The following TRIM36 variants were observed in gnomAD, a reference collection of about 807,000 sequenced individuals.
TRIM36 encodes E3 ubiquitin-protein ligase TRIM36.
A neutral mutation model predicts 72.4 loss-of-function variants in TRIM36; 42 were observed. The ratio of observed to expected loss-of-function variants is 0.58; its 90% CI spans 0.45 to 0.75. The LOEUF (loss-of-function observed/expected upper bound fraction) is 0.75. Among genes scored for constraint, TRIM36 ranks in the 30% least tolerant of loss-of-function variants. The pLI, the probability that TRIM36 is intolerant of heterozygous loss-of-function variation, is 0.00. For synonymous variants in TRIM36, 315 were observed against 282.8 expected, an observed-to-expected ratio of 1.11 and a Z score of -1.14; for missense variants, 913 against 857.1, an observed-to-expected ratio of 1.07 and a Z score of -0.81.
At chr5:115,167,897 T>C in intron 1 of TRIM36, among the ~76,000 whole-genome samples, 1 of 152,222 alleles carries the variant, frequency 6.6e-6, no homozygotes, top group East Asian at 1.9e-4. Flanking sequence ...GAGATTTAAT[T>C]GACTCACAGT....
chr5:115,160,573 A>AACGCCTGT (rs1428356360), intron 2 of TRIM36, among the ~76,000 whole-genome samples: 2 of 152,194 alleles, frequency 1.3e-5, no homozygotes, highest in African/African-American at 2.4e-5. Context: ...TATAGTGAAT[A>AACGCCTGT]ACGCCTGTAA....
intron 2 of TRIM36, among the ~76,000 whole-genome samples, chr5:115,157,455 T>C (rs1330613736): frequency 6.6e-6 from 1 of 151,984 alleles, no homozygotes; most frequent in East Asian, 1.9e-4. Context: ...TCCCAGCTAC[T>C]TAGGGGGCTG....
chr5:115,171,504 A>G (rs979114166), upstream of TRIM36, among the ~76,000 whole-genome samples: 2 of 152,244 alleles, frequency 1.3e-5, no homozygotes, highest in East Asian at 1.9e-4. Flanking sequence ...TAAAGGCTCA[A>G]CCATTAGAAA....
At position 115,149,317 on chromosome 5, in the gene TRIM36, G is replaced by T. The variant is rs147077539; in HGVS notation, c.263-1923C>A. ...AACAAGCCAAACAATTCTGGAGATG[G>T]TATGGTGCAGTGGTCAAGTTTAAAC... On this transcript the variant is annotated intron_variant, in intron 2 of 9. Transcript: ENST00000513154. 19 of 152,072 alleles carry T rather than the reference G, an allele frequency of 1.2e-4. No individual in the cohort carries two copies. In the East Asian group the frequency reaches 3.7e-3, roughly 29 times the overall value. 9.4% of individuals were successfully genotyped at this position (152,072 alleles called of 1,614,324 possible).
chr5:115,178,985 A>G (rs894629694), intron 1 of TRIM36, among the ~76,000 whole-genome samples: 1 of 152,184 alleles, frequency 6.6e-6, no homozygotes, highest in Non-Finnish European at 1.5e-5. Context: ...AGGTGCTCAC[A>G]TCAGGGCTAC....
chr5:115,156,333 C>T (rs1754180121), intron 2 of TRIM36, among the ~76,000 whole-genome samples: 1 of 151,532 alleles, frequency 6.6e-6, no homozygotes, highest in African/African-American at 2.4e-5. Flanking sequence ...CATATGGAAC[C>T]AAAAAAGAGC....
chr5:115,166,560 G>A (rs1471202397), intron 1 of TRIM36, among the ~76,000 whole-genome samples: 1 of 152,172 alleles, frequency 6.6e-6, no homozygotes, highest in Non-Finnish European at 1.5e-5. Context: ...TCACCCTCCA[G>A]TTGTCCATGT....
chr5:115,155,399 G>C (rs1754122495), intron 2 of TRIM36, among the ~76,000 whole-genome samples: 1 of 152,126 alleles, frequency 6.6e-6, no homozygotes, highest in Admixed American at 6.6e-5. Context: ...GATGAACACA[G>C]AAGCTAAAAT....
intron 5 of TRIM36, among the ~76,000 whole-genome samples, chr5:115,138,043 T>C (rs79045899): frequency 0.013 from 1,999 of 152,334 alleles, 44 homozygotes; most frequent in African/African-American, 0.046. Flanking sequence ...GAACTTTGAA[T>C]TCATTTCAAA....
intron 1 of TRIM36, among the ~76,000 whole-genome samples, chr5:115,165,627 C>A (rs1754723378): frequency 6.6e-6 from 1 of 152,200 alleles, no homozygotes; most frequent in Non-Finnish European, 1.5e-5. Flanking sequence ...ATGCTGGCTG[C>A]AGTTGGGAAG....
chr5:115,151,332 A>T (rs1753881269), intron 2 of TRIM36, among the ~76,000 whole-genome samples: 1 of 152,146 alleles, frequency 6.6e-6, no homozygotes, highest in African/African-American at 2.4e-5. Context: ...AACTCCATTG[A>T]CCTGGAAACC....
At chr5:115,170,520 C>A (rs1016331686), upstream of TRIM36, among the ~76,000 whole-genome samples, 1 of 152,116 alleles carries the variant, frequency 6.6e-6, no homozygotes. Flanking sequence ...CCTAGCCAGG[C>A]GCGGCCTGGG....
rs1018874568 is a variant in TRIM36 at position 115,144,491 on chromosome 5, T to C, written c.735+107A>G. The C allele has an allele frequency of 4.5e-6, 6 of 1,337,038 alleles. No homozygotes were observed. In the African/African-American group the frequency reaches 7.5e-5, roughly 17 times the overall value. 82.8% of individuals were successfully genotyped at this position (1,337,038 alleles called of 1,614,324 possible). On this transcript the variant is annotated intron_variant, in intron 4 of 9. Transcript: ENST00000513154. ...CGCTAAGTAACACTTTAACTCATTT[T>C]AGTACAAAAGAGACCATATAACACA...
chr5:115,157,901 G>A (rs966547754), intron 2 of TRIM36, among the ~76,000 whole-genome samples: 8 of 152,124 alleles, frequency 5.3e-5, no homozygotes, highest in Non-Finnish European at 8.8e-5. Context: ...CTCATAAGTG[G>A]GAGCTAAGCT....
chr5:115,151,747 G>A (rs1005193777), intron 2 of TRIM36, among the ~76,000 whole-genome samples: 1 of 152,176 alleles, frequency 6.6e-6, no homozygotes, highest in African/African-American at 2.4e-5. Flanking sequence ...CCAGAGCCTG[G>A]TATACTTGCT....
At chr5:115,147,856 C>T (rs542185647) in intron 2 of TRIM36, among the ~76,000 whole-genome samples, 1 of 152,244 alleles carries the variant, frequency 6.6e-6, no homozygotes, top group East Asian at 1.9e-4. Context: ...CATGAAGAGG[C>T]CCAGGCAGAT....
At chr5:115,135,454 T>C (rs1023704380) in intron 7 of TRIM36, among the ~76,000 whole-genome samples, 1 of 150,990 alleles carries the variant, frequency 6.6e-6, no homozygotes, top group Non-Finnish European at 1.5e-5. Flanking sequence ...ACTCTTTTTC[T>C]TTCTTTTTTT....
chr5:115,173,225 T>C (rs894585136), upstream of TRIM36, among the ~76,000 whole-genome samples: 1 of 152,198 alleles, frequency 6.6e-6, no homozygotes, highest in Admixed American at 6.5e-5. Context: ...TTGCTTTTTA[T>C]CTTCCTTTCT....
intron 4 of TRIM36, among the ~76,000 whole-genome samples, chr5:115,141,806 A>T (rs777865746): frequency 4.6e-5 from 7 of 152,156 alleles, no homozygotes; most frequent in Non-Finnish European, 7.4e-5. Flanking sequence ...ACACAATAGG[A>T]GTAGCAACAA....
Sources: allele counts gnomAD v4.1 joint callset (sites outside exome capture counted in the v4.1 genomes callset), GRCh38; gene constraint gnomAD v4.1.1; transcripts MANE v1.5; gene names NCBI Gene and HGNC (gene_info 2026-07-23, HGNC 2026-07-21).